Variants in SLC5A1 observed in about 807,000 individuals in gnomAD.
SLC5A1 encodes sodium/glucose cotransporter 1.
SLC5A1 carries 42 observed loss-of-function variants against 73.5 expected under a neutral mutation model. That is an observed-to-expected ratio of 0.57 (90% confidence interval 0.45 to 0.74). The LOEUF is 0.74. Ranked by LOEUF, SLC5A1 falls within the 30% of genes least tolerant of loss-of-function variation. The pLI, the probability that SLC5A1 is intolerant of heterozygous loss-of-function variation, is 0.00. For synonymous variants in SLC5A1, 300 were observed against 317.4 expected (o/e 0.95, Z 0.58); for missense variants, 634 against 855.4 (o/e 0.74, Z 3.23).
Position 32,110,117 on chromosome 22 carries a change from G to A in SLC5A1, c.1899G>A (p.Thr633=), listed in dbSNP as rs33943816. 0.057 allele frequency: 91,922 copies of A among 1,613,924 alleles called. 2,932 individuals carry two copies. The highest frequency in any genetic ancestry group is 0.074 in the Middle Eastern group (448 of 6,062). ...EEEKAMKMKM[T]DTSEKPLWRT... ...AGAAAGCCATGAAGATGAAGATGAC[G>A]GACACCTCTGAGAAGCCTTTGTGGA... is the stretch of plus-strand genomic sequence containing the variant. The change falls in exon 15 of 15, where the codon ACG becomes ACA. Residue 633 remains threonine (T), a synonymous_variant. Transcript: ENST00000266088.
intron 6 of SLC5A1, 72 bp downstream of exon 6, chr22:32,082,043 G>A (rs1160080463): frequency 2.1e-6 from 2 of 964,482 alleles, no homozygotes; most frequent in African/African-American, 3.2e-5. Flanking sequence ...ATAAAGGGAA[G>A]TAGGAGAGGT....
chr22:32,048,763 T>C (rs1368882887), intron 1 of SLC5A1, among the ~76,000 whole-genome samples: 4 of 152,158 alleles, frequency 2.6e-5, no homozygotes, highest in African/African-American at 7.2e-5. Flanking sequence ...CCTTCCTCTA[T>C]ACTAACACAA....
At chr22:32,096,084 G>T (rs986926596) in intron 11 of SLC5A1, among the ~76,000 whole-genome samples, 1 of 152,052 alleles carries the variant, frequency 6.6e-6, no homozygotes, top group African/African-American at 2.4e-5. Context: ...GGCTTTCCTG[G>T]TATATTCCTG....
At chr22:32,099,918 C>A (rs186693068) in intron 12 of SLC5A1, among the ~76,000 whole-genome samples, 1 of 152,116 alleles carries the variant, frequency 6.6e-6, no homozygotes, top group Non-Finnish European at 1.5e-5. Context: ...AAACAAAGTG[C>A]GTAAGAAGTA....
chr22:32,081,888 T>C lies in SLC5A1; in HGVS notation c.500T>C (p.Ile167Thr). ...CAGGCAGACATCTTCTCGGGGGCCA[T>C]ATTCATCAATCTGGCCTTAGGCCTG... ...KISADIFSGA[I>T]FINLALGLNL... is the part of the protein sequence containing the mutation. Residue 167 changes from isoleucine to threonine, a missense_variant, in exon 6 of 15, where the codon ATA becomes ACA. Ile to Thr is a moderately conservative substitution (Grantham distance 89). This residue lies in a region of SLC5A1 where 422 missense variants were observed against 626.1 expected (regional missense o/e 0.67). Transcript: ENST00000266088. The C allele has an allele frequency of 1.2e-6, 2 of 1,612,994 alleles. No homozygotes were observed. The highest frequency in any genetic ancestry group is 1.7e-6 in the Non-Finnish European group (2 of 1,179,122).
Position 32,110,090 on chromosome 22 carries a change from G to A in SLC5A1, c.1872G>A (p.Glu624=). The A allele has an allele frequency of 4.3e-6, 7 of 1,614,144 alleles. No individual in the cohort carries two copies. The highest frequency in any genetic ancestry group is 5.9e-6 in the Non-Finnish European group (7 of 1,179,976). Residue 624 remains glutamate, a synonymous_variant, in exon 15 of 15, where the codon GAG becomes GAA. Coordinates refer to ENST00000266088, the MANE Select transcript of SLC5A1 (RefSeq NM_000343.4). ...QHGAPKMTEE[E]EKAMKMKMTD... ...GTGCACCCAAGATGACTGAGGAAGA[G>A]GAGAAAGCCATGAAGATGAAGATGA...
At chr22:32,052,497 G>A (rs1399688119) in intron 2 of SLC5A1, among the ~76,000 whole-genome samples, 3 of 152,150 alleles carry the variant, frequency 2.0e-5, no homozygotes, top group Admixed American at 2.0e-4. Context: ...GAGGAAGAGA[G>A]GGAACCAGGC....
rs781089156 is a variant in SLC5A1 at position 32,112,984 on chromosome 22, AATT to A, written c.*2778_*2780del. The A allele has an allele frequency of 3.9e-5, 6 of 152,176 alleles. No homozygotes were observed. Among genetic ancestry groups the A allele is most frequent in the Non-Finnish European group, 2.9e-5 (2 of 68,036 alleles). The allele number at this position is 152,176 out of a possible 1,614,324, so 9.4% of individuals were successfully genotyped here. On this transcript the variant is annotated 3_prime_UTR_variant, in exon 15 of 15. Coordinates refer to ENST00000266088, the MANE Select transcript of SLC5A1 (RefSeq NM_000343.4). ...TATGTTGTATGCCATGAGTATATAT[AATT>A]ATTATTTGTGAATTTAAAAAATAAA... is the stretch of plus-strand genomic sequence containing the variant.
At chr22:32,070,847 C>CCTT (rs2093981860) in intron 5 of SLC5A1, among the ~76,000 whole-genome samples, 5 of 151,896 alleles carry the variant, frequency 3.3e-5, no homozygotes, top group African/African-American at 1.2e-4. Flanking sequence ...CCCAAGGTGA[C>CCTT]TGTCAGTCTG....
intron 12 of SLC5A1, among the ~76,000 whole-genome samples, chr22:32,100,219 A>G (rs1185942753): frequency 1.3e-5 from 2 of 152,212 alleles, no homozygotes; most frequent in East Asian, 1.9e-4. Context: ...TCAGGGTTTC[A>G]TTAACAGTGA....
chr22:32,068,300 C>T (rs2093977386), intron 4 of SLC5A1, among the ~76,000 whole-genome samples, 196 bp from the exon 5 acceptor site: 1 of 152,170 alleles, frequency 6.6e-6, no homozygotes, highest in South Asian at 2.1e-4. Context: ...AGTGGTAGGG[C>T]ATATGGGATT....
At chr22:32,046,886 T>C (rs2093937895) in intron 1 of SLC5A1, among the ~76,000 whole-genome samples, 1 of 152,254 alleles carries the variant, frequency 6.6e-6, no homozygotes, top group Non-Finnish European at 1.5e-5. Context: ...AATGTAACAC[T>C]GTTGTTTACA....
chr22:32,073,705 C>T (rs549425040), intron 5 of SLC5A1, among the ~76,000 whole-genome samples: 35 of 151,988 alleles, frequency 2.3e-4, no homozygotes, highest in African/African-American at 6.8e-4. Context: ...TACAGCCACA[C>T]GCCACCATGC....
chr22:32,112,995 G>A lies in SLC5A1; in HGVS notation c.*2782G>A, dbSNP rs1026670073. 3.3e-5 allele frequency: 5 copies of A among 152,028 alleles called. No homozygotes were observed. In the East Asian group the frequency reaches 7.7e-4, roughly 23 times the overall value. 9.4% of individuals were successfully genotyped at this position (152,028 alleles called of 1,614,324 possible). On this transcript the variant is annotated 3_prime_UTR_variant, in exon 15 of 15. Coordinates refer to ENST00000266088, the MANE Select transcript of SLC5A1 (RefSeq NM_000343.4). ...CCATGAGTATATATAATTATTATTTGTGAATTTAAAAAATAAAAATAATTT... is the reference window on the plus strand; with the variant it reads ...CCATGAGTATATATAATTATTATTTATGAATTTAAAAAATAAAAATAATTT...
chr22:32,047,127 A>T (rs1396375880), intron 1 of SLC5A1, among the ~76,000 whole-genome samples: 3 of 152,050 alleles, frequency 2.0e-5, no homozygotes, highest in African/African-American at 7.2e-5. Context: ...GGGAAGGAGG[A>T]GGTTTCCATG....
Position 32,104,960 on chromosome 22 carries a change from GTTC to G in SLC5A1, c.1771+73_1771+75del, listed in dbSNP as rs760481589. 41 of 1,106,794 alleles carry G rather than the reference GTTC, an allele frequency of 3.7e-5. No individual in the cohort carries two copies. In the East Asian group the frequency reaches 9.7e-4, roughly 26 times the overall value. The allele number at this position is 1,106,794 out of a possible 1,614,324, so 68.6% of individuals were successfully genotyped here. A position where few individuals can be genotyped will look rare whatever the true frequency, so the allele number is the denominator to read the frequency against. On this transcript the variant is annotated intron_variant, in intron 14 of 14. Coordinates refer to ENST00000266088, the MANE Select transcript of SLC5A1 (RefSeq NM_000343.4). ...CCTACAACAACAAGACTTTACTGAA[GTTC>G]TTCCCTAAATAATTTTATCAGAGCT...
At chr22:32,094,525 A>G (rs2094023236) in intron 11 of SLC5A1, among the ~76,000 whole-genome samples, 1 of 152,064 alleles carries the variant, frequency 6.6e-6, no homozygotes. Context: ...GCTGCTTGCT[A>G]ATGGTCTGTT....
chr22:32,062,346 C>T (rs997730886), intron 2 of SLC5A1, among the ~76,000 whole-genome samples: 3 of 152,182 alleles, frequency 2.0e-5, no homozygotes, highest in Non-Finnish European at 2.9e-5. Flanking sequence ...AGGACATCTA[C>T]GTGGTAAAAT....
intron 1 of SLC5A1, among the ~76,000 whole-genome samples, chr22:32,046,369 C>CT (rs130263): frequency 0.78 from 113,548 of 145,370 alleles, 44,224 homozygotes; most frequent in East Asian, 0.92. Flanking sequence ...TTCCTTTGCT[C>CT]TTTTTTTTTT....
Sources: gnomAD v4.1 joint callset for allele counts (sites outside exome capture counted in the v4.1 genomes callset) on GRCh38, gnomAD v4.1.1 for gene constraint, gnomAD v4.1.1 regional missense constraint, MANE v1.5 for transcripts, NCBI Gene and HGNC (gene_info 2026-07-23, HGNC 2026-07-21) for gene names.